Variants in FOXN3 observed in about 807,000 individuals in gnomAD.
The protein encoded by FOXN3 is forkhead box protein N3.
In FOXN3, 7 loss-of-function variants were observed where a neutral mutation model predicts 38.4. The observed-to-expected ratio is 0.18, with a 90% CI of 0.10 to 0.34. FOXN3 has a LOEUF of 0.34. Among genes scored for constraint, FOXN3 ranks in the 10% least tolerant of loss-of-function variants. FOXN3 has a pLI of 1.00. For synonymous variants in FOXN3, 230 were observed against 242.2 expected, an observed-to-expected ratio of 0.95 and a Z score of 0.47; for missense variants, 456 against 613.4, an observed-to-expected ratio of 0.74 and a Z score of 2.71.
intron 1 of FOXN3, among the ~76,000 whole-genome samples, chr14:89,592,245 T>C (rs73315247): frequency 0.023 from 3,434 of 152,242 alleles, 127 homozygotes; most frequent in African/African-American, 0.078. Context: ...GTTCAACTAA[T>C]AGAGTTTCTA....
chr14:89,465,173 T>C (rs755600765), intron 1 of FOXN3, among the ~76,000 whole-genome samples: 6 of 152,100 alleles, frequency 3.9e-5, no homozygotes, highest in Admixed American at 2.0e-4. Context: ...GAACTGTGAG[T>C]CAATTAAACC....
intron 2 of FOXN3, among the ~76,000 whole-genome samples, chr14:89,386,302 G>C (rs1257286139): frequency 6.6e-6 from 1 of 152,202 alleles, no homozygotes; most frequent in Admixed American, 6.5e-5. Flanking sequence ...CTGACATCGA[G>C]GAGTGTGTCA....
chr14:89,260,956 C>A lies in FOXN3; in HGVS notation c.745+19994G>T, dbSNP rs1004772291. 2.0e-5 allele frequency among the ~76,000 whole-genome samples: 3 copies of A among 152,152 alleles called. No homozygotes were observed. The East Asian group carries it at 5.8e-4, about 29-fold the overall frequency. ...CACACAATTCCACAGCTCAAAATAA[C>A]CCCAATTTACATGTTAGCATATGTA... is the stretch of plus-strand genomic sequence containing the variant. On this transcript the variant is annotated intron_variant, in intron 4 of 5. Transcript: ENST00000557258.
intron 2 of FOXN3, among the ~76,000 whole-genome samples, chr14:89,371,719 G>C (rs1446019847): frequency 6.6e-6 from 1 of 151,948 alleles, no homozygotes; most frequent in African/African-American, 2.4e-5. Context: ...CCAAAGGGAG[G>C]CACCAGAGCA....
chr14:89,438,452 A>G (rs899493480), intron 1 of FOXN3, among the ~76,000 whole-genome samples: 7 of 152,262 alleles, frequency 4.6e-5, no homozygotes, highest in African/African-American at 1.4e-4. Context: ...TTTCTTAGCT[A>G]TCAATAGTGA....
intron 4 of FOXN3, among the ~76,000 whole-genome samples, chr14:89,199,803 C>T (rs1888189604): frequency 6.6e-6 from 1 of 152,026 alleles, no homozygotes. Context: ...ACTTGGGAGG[C>T]TGAGGCAGGA....
intron 3 of FOXN3, among the ~76,000 whole-genome samples, chr14:89,294,823 C>T (rs1275252324): frequency 2.6e-5 from 4 of 152,168 alleles, no homozygotes; most frequent in African/African-American, 9.7e-5. Flanking sequence ...TAAAAATGGG[C>T]AGCCAGCAGC....
At chr14:89,228,132 G>C (rs1638789981) in intron 4 of FOXN3, among the ~76,000 whole-genome samples, 1 of 152,136 alleles carries the variant, frequency 6.6e-6, no homozygotes, top group African/African-American at 2.4e-5. Flanking sequence ...ACAGAATCTG[G>C]TATCATTAAA....
chr14:89,207,036 C>T (rs563313529), intron 4 of FOXN3, among the ~76,000 whole-genome samples: 82 of 152,034 alleles, frequency 5.4e-4, no homozygotes, highest in African/African-American at 2.0e-3. Context: ...GTAGCAGTAG[C>T]GGCAAGAGAA....
intron 1 of FOXN3, among the ~76,000 whole-genome samples, chr14:89,416,277 A>T (rs1295906969): frequency 6.6e-6 from 1 of 152,212 alleles, no homozygotes; most frequent in Non-Finnish European, 1.5e-5. Context: ...CCCCATATAC[A>T]GGGCAATTGG....
At chr14:89,281,862 C>G (rs1224906207) in intron 3 of FOXN3, among the ~76,000 whole-genome samples, 1 of 152,170 alleles carries the variant, frequency 6.6e-6, no homozygotes. Context: ...GTATAAATTA[C>G]TCTCATCAAA....
intron 4 of FOXN3, among the ~76,000 whole-genome samples, chr14:89,212,647 C>G (rs1490266879): frequency 6.6e-6 from 1 of 152,204 alleles, no homozygotes; most frequent in Non-Finnish European, 1.5e-5. Context: ...TTCTGAAAGG[C>G]TGGCCTGGGT....
intron 4 of FOXN3, among the ~76,000 whole-genome samples, chr14:89,259,610 AG>A (rs1195182112): frequency 6.6e-6 from 1 of 152,252 alleles, no homozygotes; most frequent in Non-Finnish European, 1.5e-5. Flanking sequence ...GCACTTTTGT[AG>A]GCCATTGCAA....
chr14:89,611,364 GTT>G (rs1896383143), intron 1 of FOXN3, among the ~76,000 whole-genome samples: 1 of 152,314 alleles, frequency 6.6e-6, no homozygotes, highest in African/African-American at 2.4e-5. Flanking sequence ...TAGGAAATCT[GTT>G]TTTTGTGTTA....
chr14:89,338,166 C>T (rs1240838767), intron 3 of FOXN3, among the ~76,000 whole-genome samples: 1 of 152,134 alleles, frequency 6.6e-6, no homozygotes, highest in Non-Finnish European at 1.5e-5. Flanking sequence ...TGCAAAATTG[C>T]TAAATTGTCT....
chr14:89,372,936 C>T (rs1173827315), intron 2 of FOXN3, among the ~76,000 whole-genome samples: 1 of 152,102 alleles, frequency 6.6e-6, no homozygotes, highest in African/African-American at 2.4e-5. Flanking sequence ...TAGGCCAAGG[C>T]GGAAGGATCG....
intron 5 of FOXN3, among the ~76,000 whole-genome samples, chr14:89,169,074 A>G (rs35510082): frequency 0.25 from 38,129 of 152,126 alleles, 5,325 homozygotes; most frequent in Middle Eastern, 0.34. Context: ...TAGGAATTTC[A>G]TAAGAATATA....
chr14:89,613,543 G>A (rs1896437119), intron 1 of FOXN3, among the ~76,000 whole-genome samples: 1 of 152,118 alleles, frequency 6.6e-6, no homozygotes, highest in Non-Finnish European at 1.5e-5. Flanking sequence ...CCATCATTTC[G>A]ATCATTTCAT....
chr14:89,296,134 A>AT (rs953816700), intron 3 of FOXN3, among the ~76,000 whole-genome samples: 1 of 152,048 alleles, frequency 6.6e-6, no homozygotes, highest in African/African-American at 2.4e-5. Context: ...ATACATGCAT[A>AT]TTTTTTATAA....
Sources: gnomAD v4.1 joint callset for allele counts (sites outside exome capture counted in the v4.1 genomes callset) on GRCh38, gnomAD v4.1.1 for gene constraint, MANE v1.5 for transcripts, NCBI Gene and HGNC (gene_info 2026-07-23, HGNC 2026-07-21) for gene names.